PHACTR1: variants seen among roughly 807,000 people sequenced by gnomAD.
PHACTR1 encodes phosphatase and actin regulator 1, also known as RPEL repeat containing 1.
PHACTR1 carries 16 observed loss-of-function variants against 69.2 expected under a neutral mutation model. That is an observed-to-expected ratio of 0.23 (90% CI 0.16 to 0.35). PHACTR1 has a LOEUF of 0.35. Ranked by LOEUF, PHACTR1 falls within the 10% of genes least tolerant of loss-of-function variation. The pLI, the probability that PHACTR1 is intolerant of heterozygous loss-of-function variation, is 1.00. For missense variants in PHACTR1, 510 were observed against 734.7 expected (o/e 0.69, Z 3.54); for synonymous variants, 312 against 284.5 (o/e 1.10, Z -0.97).
intron 6 of PHACTR1, among the ~76,000 whole-genome samples, chr6:13,169,504 T>C (rs1156653098): frequency 1.3e-5 from 2 of 152,046 alleles, no homozygotes; most frequent in African/African-American, 4.8e-5. Flanking sequence ...CAACATTTAA[T>C]GTTTGGGGAG....
Position 13,287,144 on chromosome 6 carries a change from G to C in PHACTR1, c.*66G>C. Reference sequence around the variant, plus strand: ...TAAATTTATAAGAACCATAAGTGCTGGTATTTATTCACTTCCCCATTACGA... The same window carrying C: ...TAAATTTATAAGAACCATAAGTGCTCGTATTTATTCACTTCCCCATTACGA... On this transcript the variant is annotated 3_prime_UTR_variant, in exon 15 of 15. Coordinates refer to ENST00000332995, the MANE Select transcript of PHACTR1 (RefSeq NM_030948.6). 6.9e-7 allele frequency: 1 copy of C among 1,452,458 alleles called. No individual in the cohort carries two copies. The highest frequency in any genetic ancestry group is 9.5e-7 in the Non-Finnish European group (1 of 1,055,122). The allele number at this position is 1,452,458 out of a possible 1,614,324, so 90.0% of individuals were successfully genotyped here. A position where few individuals can be genotyped will look rare whatever the true frequency, so the allele number is the denominator to read the frequency against.
rs1018300041 is a variant in PHACTR1, at chr6:13,104,795, A to G, written c.415+51266A>G. ...AGGACCTTATCTTTTTTATTCCACTATAAAAAGGTATTGGCTATGCAAAGA... is the reference window on the plus strand; with the variant it reads ...AGGACCTTATCTTTTTTATTCCACTGTAAAAAGGTATTGGCTATGCAAAGA... On this transcript the variant is annotated intron_variant, in intron 5 of 14. Transcript: ENST00000332995. Among the ~76,000 whole-genome samples, 3 of 152,336 alleles carry G rather than the reference A, an allele frequency of 2.0e-5. No individual in the cohort carries two copies. The South Asian group carries it at 6.2e-4, about 32-fold the overall frequency.
chr6:12,964,667 A>G (rs1793207776), intron 4 of PHACTR1, among the ~76,000 whole-genome samples: 1 of 152,162 alleles, frequency 6.6e-6, no homozygotes, highest in East Asian at 1.9e-4. Context: ...TCTATGTGTT[A>G]GGTGGAGTGA....
chr6:13,080,293 A>G (rs975191370), intron 5 of PHACTR1, among the ~76,000 whole-genome samples: 10 of 152,168 alleles, frequency 6.6e-5, no homozygotes, highest in Non-Finnish European at 1.5e-5. Flanking sequence ...AGAATTTTGT[A>G]GGACGTGTCT....
chr6:12,918,759 C>T (rs943452506), intron 4 of PHACTR1, among the ~76,000 whole-genome samples: 2 of 152,178 alleles, frequency 1.3e-5, no homozygotes, highest in African/African-American at 4.8e-5. Flanking sequence ...TCAAAAAGCA[C>T]AATCCCAGCC....
intron 4 of PHACTR1, among the ~76,000 whole-genome samples, chr6:12,975,267 C>T (rs557605485): frequency 2.2e-4 from 34 of 152,286 alleles, no homozygotes; most frequent in African/African-American, 7.9e-4. Context: ...CATAAACATG[C>T]TATCTCCATG....
chr6:12,732,370 TA>T (rs1255724743), intron 3 of PHACTR1, among the ~76,000 whole-genome samples: 5 of 152,060 alleles, frequency 3.3e-5, no homozygotes, highest in African/African-American at 7.2e-5. Flanking sequence ...TTAGTTCTTC[TA>T]AAAAATGGGG....
In PHACTR1 at chr6:12,749,635, C is replaced by G; in HGVS notation, c.104-9C>G. ...TCTCCCTCTCCCTCCGTCTCCTTCT[C>G]CCTCTCAGCTCGCCGGGCGACCCTG... is the stretch of plus-strand genomic sequence containing the variant. On this transcript the variant is annotated splice_polypyrimidine_tract_variant and intron_variant, in intron 3 of 14. Transcript: ENST00000332995. 1 of 1,547,700 alleles carries G rather than the reference C, an allele frequency of 6.5e-7. No individual in the cohort carries two copies.
At position 13,283,554 on chromosome 6, in the gene PHACTR1, G is replaced by A. The variant is rs1197879564; in HGVS notation, c.1642G>A (p.Ala548Thr). ...ADKPWTRLTA[A>T]DKAAIRKELN... ...TAAGCCGTGGACCCGCCTCACCGCT[G>A]CAGACAAAGTAAGCAGAGGGGAGTG... Residue 548 changes from alanine (A) to threonine (T), a missense_variant, in exon 13 of 15, where the codon GCA becomes ACA. Ala to Thr is a moderately conservative substitution (Grantham distance 58, BLOSUM62 0). Coordinates refer to ENST00000332995, the MANE Select transcript of PHACTR1 (RefSeq NM_030948.6). This position sits in a 1 kb window ranked among gnomAD's most constrained non-coding sequence, Gnocchi z 4.7. 2.5e-6 allele frequency: 4 copies of A among 1,613,728 alleles called. No individual in the cohort carries two copies. The highest frequency in any genetic ancestry group is 3.4e-6 in the Non-Finnish European group (4 of 1,179,884).
Position 13,250,441 on chromosome 6 carries a change from A to C in PHACTR1, c.1391+20248A>C, listed in dbSNP as rs556659005. Among the ~76,000 whole-genome samples, 4 of 152,356 alleles carry C rather than the reference A, an allele frequency of 2.6e-5. No homozygotes were observed. In the East Asian group the frequency reaches 7.7e-4, roughly 29 times the overall value. On this transcript the variant is annotated intron_variant, in intron 10 of 14. Transcript: ENST00000332995. ...ACAGATTATGCTGGGAATACGGTCC[A>C]GTTTTTCAAACTTGATTTATTACCT...
intron 4 of PHACTR1, chr6:12,957,927 A>G: frequency 1.0e-6 from 1 of 985,276 alleles, no homozygotes; most frequent in Non-Finnish European, 1.2e-6. Context: ...AGAGCCCGAC[A>G]CTTGAGGAGA....
chr6:13,223,602 G>GAC (rs1363835174), intron 8 of PHACTR1, among the ~76,000 whole-genome samples: 1 of 152,096 alleles, frequency 6.6e-6, no homozygotes, highest in Non-Finnish European at 1.5e-5. Context: ...TTTATCAAAG[G>GAC]ACACATCTCA....
intron 4 of PHACTR1, among the ~76,000 whole-genome samples, chr6:12,822,041 A>G (rs1316253319): frequency 6.6e-6 from 1 of 152,182 alleles, no homozygotes; most frequent in Non-Finnish European, 1.5e-5. Flanking sequence ...AGTAAGAGGA[A>G]CTTTAAGAAA....
At chr6:13,022,908 T>C (rs1216704865) in intron 4 of PHACTR1, among the ~76,000 whole-genome samples, 1 of 151,890 alleles carries the variant, frequency 6.6e-6, no homozygotes, top group Non-Finnish European at 1.5e-5. Context: ...TCCCAGCTAC[T>C]TGGGTGACTG....
intron 4 of PHACTR1, among the ~76,000 whole-genome samples, chr6:12,803,452 G>A (rs537810522): frequency 2.0e-5 from 3 of 152,184 alleles, no homozygotes; most frequent in South Asian, 4.2e-4. Context: ...TGGGCCTCCC[G>A]AAAGGAAGAA....
chr6:12,781,233 A>G (rs1561876164), intron 4 of PHACTR1, among the ~76,000 whole-genome samples: 1 of 152,118 alleles, frequency 6.6e-6, no homozygotes, highest in Non-Finnish European at 1.5e-5. Flanking sequence ...TTTTGCCCAC[A>G]TGCTGGATCT....
At chr6:12,939,556 C>A (rs1015661480) in intron 4 of PHACTR1, among the ~76,000 whole-genome samples, 1 of 152,176 alleles carries the variant, frequency 6.6e-6, no homozygotes, top group Non-Finnish European at 1.5e-5. Flanking sequence ...TGACGCATAG[C>A]TCATACTAAT....
chr6:13,243,185 T>G (rs1017157757), intron 10 of PHACTR1, among the ~76,000 whole-genome samples: 1 of 152,146 alleles, frequency 6.6e-6, no homozygotes, highest in African/African-American at 2.4e-5. Context: ...ATTCTGAGGT[T>G]TTTTTCCTCT....
chr6:12,953,132 G>A (rs1019724324), intron 4 of PHACTR1, among the ~76,000 whole-genome samples: 6 of 152,214 alleles, frequency 3.9e-5, no homozygotes, highest in Middle Eastern at 3.4e-3. Flanking sequence ...AGACTAGCCT[G>A]GCCAATGTGG....
Sources: gnomAD v4.1 joint callset for allele counts (sites outside exome capture counted in the v4.1 genomes callset) on GRCh38, gnomAD v4.1.1 for gene constraint, Gnocchi (gnomAD v3.1) non-coding constraint, MANE v1.5 for transcripts, NCBI Gene and HGNC (gene_info 2026-07-23, HGNC 2026-07-21) for gene names.